The following DBNL variants were observed in gnomAD, a reference collection of about 807,000 sequenced individuals.
DBNL encodes drebrin like, also known as drebrin-like protein.
In DBNL, 35 loss-of-function variants were observed where a neutral mutation model predicts 62.2. The ratio of observed to expected loss-of-function variants is 0.56; its 90% CI spans 0.43 to 0.75. DBNL has a LOEUF of 0.75. Among genes scored for constraint, DBNL ranks in the 30% least tolerant of loss-of-function variants. The pLI, the probability that DBNL is intolerant of heterozygous loss-of-function variation, is 0.00. For synonymous variants in DBNL, 197 were observed against 218.0 expected, an observed-to-expected ratio of 0.90 and a Z score of 0.85; for missense variants, 495 against 578.4, an observed-to-expected ratio of 0.86 and a Z score of 1.48.
chr7:44,061,129 A>C lies in DBNL; in HGVS notation c.*213A>C. The C allele has an allele frequency of 3.2e-6, 2 of 628,636 alleles. No individual in the cohort carries two copies. The highest frequency in any genetic ancestry group is 3.3e-5 in the Admixed American group (1 of 30,456). 38.9% of individuals were successfully genotyped at this position (628,636 alleles called of 1,614,324 possible). On this transcript the variant is annotated 3_prime_UTR_variant, in exon 13 of 13. Transcript: ENST00000448521. ...CCACACATCCTTCCTGCATCCCCCG[A>C]CCCTCCCAGACAGCTTGGCTCTTGC... is the stretch of plus-strand genomic sequence containing the variant.
rs2096157837 is a variant in DBNL, at chr7:44,065,369, A to G, written c.*4453A>G. ...CCGCTTCAGCACTGACGTGTAGCAGATGTCAAACTCCATCTTGGCATCCTT... is the reference window on the plus strand; with the variant it reads ...CCGCTTCAGCACTGACGTGTAGCAGGTGTCAAACTCCATCTTGGCATCCTT... On this transcript the variant is annotated 3_prime_UTR_variant, in exon 13 of 13. Coordinates refer to ENST00000448521, the MANE Select transcript of DBNL (RefSeq NM_001014436.3). The G allele has an allele frequency of 3.1e-6, 5 of 1,613,878 alleles. No individual in the cohort carries two copies. The highest frequency in any genetic ancestry group is 1.1e-5 in the South Asian group (1 of 91,090).
In DBNL at chr7:44,066,842, TCTCA is replaced by T. The variant is rs1245702833; in HGVS notation, c.*5929_*5932del. On this transcript the variant is annotated 3_prime_UTR_variant, in exon 13 of 13. Coordinates refer to ENST00000448521, the MANE Select transcript of DBNL (RefSeq NM_001014436.3). ...CCCTCCTAGCAGTGCCATGCGCAGG[TCTCA>T]CTGTTCCACACTGATCCTGATTGAA... The T allele has an allele frequency of 1.3e-5, 2 of 152,244 alleles. No individual in the cohort carries two copies. The highest frequency in any genetic ancestry group is 4.8e-5 in the African/African-American group (2 of 41,464). The allele number at this position is 152,244 out of a possible 1,614,324, so 9.4% of individuals were successfully genotyped here.
intron 7 of DBNL, 60 bp from the exon 8 acceptor site, chr7:44,058,372 G>T (rs2096140930): frequency 3.7e-6 from 6 of 1,613,286 alleles, no homozygotes; most frequent in South Asian, 2.2e-5. Flanking sequence ...GGACTAAGGG[G>T]TGTGGCATGA....
At chr7:44,056,280 T>G (rs1248520651) in intron 4 of DBNL, among the ~76,000 whole-genome samples, 2 of 152,242 alleles carry the variant, frequency 1.3e-5, no homozygotes, top group African/African-American at 4.8e-5. Context: ...GCCTGTACCA[T>G]GCTGTTTTGC....
At position 44,060,097 on chromosome 7, in the gene DBNL, G is replaced by A. The variant is rs766021697; in HGVS notation, c.1097G>A (p.Gly366Asp). ...GAGCACATTGACCACCACATTCAGG[G>A]CCAGGGGCTCAGTGGGCAAGGGCTC... ...GSEHIDHHIQ[G>D]QGLSGQGLCA... Residue 366 changes from glycine (G) to aspartate (D), a missense_variant, in exon 12 of 13, where the codon GGC (glycine) becomes GAC (aspartate). Coordinates refer to ENST00000448521, the MANE Select transcript of DBNL (RefSeq NM_001014436.3). The surrounding 1 kb of genome is among the most constrained non-coding windows in gnomAD (Gnocchi z 6.3). 2 of 1,613,684 alleles carry A rather than the reference G, an allele frequency of 1.2e-6. No individual in the cohort carries two copies. Among genetic ancestry groups the A allele is most frequent in the Non-Finnish European group, 1.7e-6 (2 of 1,179,892 alleles).
rs191646054 is a variant in DBNL, at chr7:44,060,715, C to T, written c.1154-62C>T. ...AGCAGTGTGGGGCTGCCGTGGGCTG[C>T]CCGAGCAGGTGGGATGTGGGAGGGA... On this transcript the variant is annotated intron_variant, in intron 12 of 12. Transcript: ENST00000448521. This position sits in a 1 kb window ranked among gnomAD's most constrained non-coding sequence, Gnocchi z 6.3. The T allele has an allele frequency of 8.2e-4, 1,294 of 1,586,064 alleles. 4 individuals carry two copies. The highest frequency in any genetic ancestry group is 1.0e-3 in the Middle Eastern group (5 of 4,870).
At position 44,059,580 on chromosome 7, in the gene DBNL, A is replaced by G. The variant is rs750026641; in HGVS notation, c.969A>G (p.Pro323=). The G allele has an allele frequency of 1.7e-5, 27 of 1,612,478 alleles. No individual in the cohort carries two copies. The highest frequency in any genetic ancestry group is 2.1e-5 in the Non-Finnish European group (25 of 1,179,968). Residue 323 remains proline (P), a synonymous_variant, in exon 11 of 13, where the codon CCA becomes CCG. Coordinates refer to ENST00000448521, the MANE Select transcript of DBNL (RefSeq NM_001014436.3). This position sits in a 1 kb window ranked among gnomAD's most constrained non-coding sequence, Gnocchi z 4.1. The part of the protein sequence containing the change: ...PAEEPAPSTP[P]CLVQAEEEAV... The stretch of plus-strand genomic sequence containing the variant: ...AGGAGCCGGCGCCCAGCACTCCTCC[A>G]TGTCTGGTGCAGGCAGAAGAGGAGG...
Position 44,060,588 on chromosome 7 carries a change from T to G in DBNL, c.1154-189T>G, listed in dbSNP as rs2128794642. ...AGGAGGGTATGCCCTGGGGGTGTGG[T>G]CACTGGAGCCGCATTGGGACAGGGT... On this transcript the variant is annotated intron_variant, in intron 12 of 12. Transcript: ENST00000448521. This position sits in a 1 kb window ranked among gnomAD's most constrained non-coding sequence, Gnocchi z 6.3. Among the ~76,000 whole-genome samples the G allele has an allele frequency of 6.6e-6, 1 of 152,162 alleles. No homozygotes were observed. The highest frequency in any genetic ancestry group is 3.4e-3 in the Middle Eastern group (1 of 294).
Position 44,058,660 on chromosome 7 carries a change from C to T in DBNL, c.753+180C>T, listed in dbSNP as rs369636984. On this transcript the variant is annotated intron_variant, in intron 8 of 12. Coordinates refer to ENST00000448521, the MANE Select transcript of DBNL (RefSeq NM_001014436.3). Reference sequence around the variant, plus strand: ...AGAGGAAAGCCAAAGGCGGAAGCGTCGGGCTTGGACCACACCTGGTCCTGG... The same window carrying T: ...AGAGGAAAGCCAAAGGCGGAAGCGTTGGGCTTGGACCACACCTGGTCCTGG... 1.2e-4 allele frequency: 113 copies of T among 926,700 alleles called. No individual in the cohort carries two copies. The African/African-American group carries it at 1.5e-3, about 13-fold the overall frequency. The allele number at this position is 926,700 out of a possible 1,614,324, so 57.4% of individuals were successfully genotyped here.
Position 44,064,783 on chromosome 7 carries a change from T to A in DBNL, c.*3867T>A. 1 of 1,466,154 alleles carries A rather than the reference T, an allele frequency of 6.8e-7. No individual in the cohort carries two copies. The highest frequency in any genetic ancestry group is 1.2e-5 in the South Asian group (1 of 83,386). The allele number at this position is 1,466,154 out of a possible 1,614,324, so 90.8% of individuals were successfully genotyped here. On this transcript the variant is annotated 3_prime_UTR_variant, in exon 13 of 13. Transcript: ENST00000448521. ...GACTTTGCTGAGATGAGAAGCCAGCTGGGGCTGCTGCCCACCCACCCTGCC... is the reference window on the plus strand; with the variant it reads ...GACTTTGCTGAGATGAGAAGCCAGCAGGGGCTGCTGCCCACCCACCCTGCC...
chr7:44,050,117 A>C, intron 1 of DBNL, 108 bp from the exon 2 acceptor site: 17 of 1,281,000 alleles, frequency 1.3e-5, no homozygotes, highest in Non-Finnish European at 1.8e-5. Flanking sequence ...CCACAGTGTT[A>C]CTGTCAGCCC....
At chr7:44,055,567 G>A (rs554035405) in intron 4 of DBNL, among the ~76,000 whole-genome samples, 48 of 152,214 alleles carry the variant, frequency 3.2e-4, no homozygotes, top group African/African-American at 1.1e-3. Context: ...ATCCTTGCTA[G>A]CATTTATTTT....
At position 44,060,160 on chromosome 7, in the gene DBNL, T is replaced by G. The variant is rs567365480; in HGVS notation, c.1153+7T>G. ...CTGTACGACTACCAGGCAGGTAAGG[T>G]GCCCTGGCCTGGCTGGCACAGACCA... On this transcript the variant is annotated splice_region_variant and intron_variant, in intron 12 of 12. Transcript: ENST00000448521. This position sits in a 1 kb window ranked among gnomAD's most constrained non-coding sequence, Gnocchi z 6.3. The G allele has an allele frequency of 1.9e-6, 3 of 1,606,168 alleles. No homozygotes were observed.
intron 1 of DBNL, among the ~76,000 whole-genome samples, chr7:44,048,660 CT>C (rs2096121415): frequency 1.3e-5 from 2 of 152,218 alleles, no homozygotes; most frequent in South Asian, 4.1e-4. Context: ...CCTGGAGCTT[CT>C]GTCTGGCCTG....
intron 1 of DBNL, among the ~76,000 whole-genome samples, chr7:44,049,638 T>G (rs970967261): frequency 1.9e-4 from 29 of 152,192 alleles, no homozygotes; most frequent in African/African-American, 7.0e-4. Flanking sequence ...CCTTTGTGGT[T>G]TCTGATAAAC....
Position 44,058,170 on chromosome 7 carries a change from C to G in DBNL, c.594C>G (p.Ala198=). Residue 198 remains alanine (A), a synonymous_variant, in exon 7 of 13, where the codon GCC becomes GCG. Coordinates refer to ENST00000448521, the MANE Select transcript of DBNL (RefSeq NM_001014436.3). ...ENRRLEEKRR[A]EEAQRQLEQE... ...GTCGGCTGGAGGAAAAGCGGCGGGC[C>G]GAGGAGGCACAGCGGCAGCTGGAGC... 6.4e-7 allele frequency: 1 copy of G among 1,555,952 alleles called. No individual in the cohort carries two copies. Among genetic ancestry groups the G allele is most frequent in the South Asian group, 1.2e-5 (1 of 84,552 alleles).
intron 1 of DBNL, among the ~76,000 whole-genome samples, chr7:44,047,853 C>T (rs924128689): frequency 2.0e-5 from 3 of 149,880 alleles, no homozygotes; most frequent in African/African-American, 7.4e-5. Context: ...GGGATCAAGT[C>T]AGAGGGATAG....
At position 44,067,730 on chromosome 7, in the gene DBNL, A is replaced by AGGT. The variant is rs2096162544; in HGVS notation, c.*6818_*6820dup. On this transcript the variant is annotated 3_prime_UTR_variant, in exon 13 of 13. Coordinates refer to ENST00000448521, the MANE Select transcript of DBNL (RefSeq NM_001014436.3). ...GGCGAGGAAGGCTGCTGAGTCAACA[A>AGGT]GGTGGTCCCAGGAAGGTGGAGGGAG... 1 of 152,284 alleles carries AGGT rather than the reference A, an allele frequency of 6.6e-6. No homozygotes were observed. Among genetic ancestry groups the AGGT allele is most frequent in the African/African-American group, 2.4e-5 (1 of 41,454 alleles). The allele number at this position is 152,284 out of a possible 1,614,324, so 9.4% of individuals were successfully genotyped here. A position where few individuals can be genotyped will look rare whatever the true frequency, so the allele number is the denominator to read the frequency against.
Position 44,062,560 on chromosome 7 carries a change from G to A in DBNL, c.*1644G>A. 6.6e-6 allele frequency: 4 copies of A among 604,714 alleles called. No homozygotes were observed. The highest frequency in any genetic ancestry group is 5.9e-6 in the Non-Finnish European group (2 of 337,942). 37.5% of individuals were successfully genotyped at this position (604,714 alleles called of 1,614,324 possible). ...CTGACTGCAAACTCATGGAGTGGTT[G>A]CAGCCCTGGCTCAGTGTCCTGATGA... On this transcript the variant is annotated 3_prime_UTR_variant, in exon 13 of 13. Coordinates refer to ENST00000448521, the MANE Select transcript of DBNL (RefSeq NM_001014436.3).
Sources: allele counts gnomAD v4.1 joint callset (sites outside exome capture counted in the v4.1 genomes callset), GRCh38; gene constraint gnomAD v4.1.1; non-coding constraint Gnocchi (gnomAD v3.1); transcripts MANE v1.5; gene names NCBI Gene and HGNC (gene_info 2026-07-23, HGNC 2026-07-21).